NKD1: variants seen among roughly 807,000 people sequenced by gnomAD.
NKD1 encodes NKD inhibitor of Wnt signaling pathway 1.
In NKD1, 21 loss-of-function variants were observed where a neutral mutation model predicts 56.0. The observed-to-expected ratio is 0.38, with a 90% CI of 0.27 to 0.54. The LOEUF is 0.54. Among genes scored for constraint, NKD1 ranks in the 20% least tolerant of loss-of-function variants. The pLI, the probability that NKD1 is intolerant of heterozygous loss-of-function variation, is 0.82. For synonymous variants in NKD1, 263 were observed against 265.7 expected, an observed-to-expected ratio of 0.99 and a Z score of 0.10; for missense variants, 578 against 642.7, an observed-to-expected ratio of 0.90 and a Z score of 1.09.
chr16:50,580,532 T>C (rs1327340669), intron 3 of NKD1, among the ~76,000 whole-genome samples: 2 of 152,200 alleles, frequency 1.3e-5, no homozygotes, highest in Admixed American at 1.3e-4. Context: ...CCAGAGAAGC[T>C]TGGGAAACGG....
Position 50,637,876 on chromosome 16 carries a change from C to T in NKD1, c.*4095C>T, listed in dbSNP as rs1378794240. 3.9e-5 allele frequency: 6 copies of T among 152,200 alleles called. No individual in the cohort carries two copies. The East Asian group carries it at 9.6e-4, about 24-fold the overall frequency. The allele number at this position is 152,200 out of a possible 1,614,324, so 9.4% of individuals were successfully genotyped here. On this transcript the variant is annotated 3_prime_UTR_variant, in exon 10 of 10. Transcript: ENST00000268459. ...ATTTCTGCTGATCTGTCACTGGGTA[C>T]CGAGGACTGGGTGTGTTTAAGGCAG...
intron 2 of NKD1, 146 bp downstream of exon 2, chr16:50,548,895 G>T (rs1960302856): frequency 8.7e-7 from 1 of 1,147,214 alleles, no homozygotes; most frequent in Non-Finnish European, 1.1e-6. Flanking sequence ...CGCTCCCTGA[G>T]CAGCCTTCGC....
chr16:50,570,900 T>C (rs1960867873), intron 3 of NKD1: 23 of 985,370 alleles, frequency 2.3e-5, no homozygotes, highest in Non-Finnish European at 2.8e-5. Context: ...ATTGGAGTGA[T>C]GTAGCCCCCA....
rs933491024 is a variant in NKD1 at position 50,633,839 on chromosome 16, G to A, written c.*58G>A. Reference sequence around the variant, plus strand: ...AAGGACCCCACCCCCGACACCACAAGGCATTATTATTCTATTAATTATTGT... The same window carrying A: ...AAGGACCCCACCCCCGACACCACAAAGCATTATTATTCTATTAATTATTGT... On this transcript the variant is annotated 3_prime_UTR_variant, in exon 10 of 10. Coordinates refer to ENST00000268459, the MANE Select transcript of NKD1 (RefSeq NM_033119.5). The surrounding 1 kb of genome is among the most constrained non-coding windows in gnomAD (Gnocchi z 4.9). The A allele has an allele frequency of 1.3e-6, 1 of 758,288 alleles. No individual in the cohort carries two copies. The allele number at this position is 758,288 out of a possible 1,614,324, so 47.0% of individuals were successfully genotyped here.
At chr16:50,603,502 C>G (rs1961643367) in intron 3 of NKD1, among the ~76,000 whole-genome samples, 1 of 152,224 alleles carries the variant, frequency 6.6e-6, no homozygotes, top group Non-Finnish European at 1.5e-5. Context: ...CCCGGCACAT[C>G]CCAACCCTGT....
rs564340441 is a variant in NKD1, at chr16:50,647,471, G to C, written c.*13690G>C. On this transcript the variant is annotated 3_prime_UTR_variant, in exon 10 of 10. Coordinates refer to ENST00000268459, the MANE Select transcript of NKD1 (RefSeq NM_033119.5). ...TTGGTTTTTCTCAGGAGGAGATCCTGAGATGAAGACTCAGGAGCAGGTTGT... is the reference window on the plus strand; with the variant it reads ...TTGGTTTTTCTCAGGAGGAGATCCTCAGATGAAGACTCAGGAGCAGGTTGT... The C allele has an allele frequency of 3.3e-5, 5 of 152,312 alleles. No individual in the cohort carries two copies. The East Asian group carries it at 7.7e-4, about 24-fold the overall frequency. 9.4% of individuals were successfully genotyped at this position (152,312 alleles called of 1,614,324 possible). A position where few individuals can be genotyped will look rare whatever the true frequency, so the allele number is the denominator to read the frequency against.
intron 3 of NKD1, 82 bp downstream of exon 3, chr16:50,549,637 T>C: frequency 7.5e-7 from 1 of 1,340,024 alleles, no homozygotes; most frequent in East Asian, 2.7e-5. Context: ...ACCCCAACTT[T>C]GAGCACTTTC....
chr16:50,591,177 G>A (rs1961358045), intron 3 of NKD1, among the ~76,000 whole-genome samples: 1 of 152,162 alleles, frequency 6.6e-6, no homozygotes, highest in African/African-American at 2.4e-5. Flanking sequence ...GGTACTGACT[G>A]TTAGGCTGAG....
chr16:50,592,447 C>T (rs921372296), intron 3 of NKD1, among the ~76,000 whole-genome samples: 16 of 152,260 alleles, frequency 1.1e-4, no homozygotes, highest in African/African-American at 3.4e-4. Flanking sequence ...AATACAGAGC[C>T]TGCAGAGAGG....
chr16:50,583,431 G>A (rs1399461545), intron 3 of NKD1, among the ~76,000 whole-genome samples: 1 of 152,106 alleles, frequency 6.6e-6, no homozygotes, highest in Non-Finnish European at 1.5e-5. Context: ...CCCCTACCAA[G>A]GCGTCAGACA....
At chr16:50,550,354 A>AT (rs34062153) in intron 3 of NKD1, among the ~76,000 whole-genome samples, 11,167 of 143,540 alleles carry the variant, frequency 0.078, 685 homozygotes, top group East Asian at 0.34. Flanking sequence ...GTGACATTTA[A>AT]TTTTTTTTTT....
chr16:50,598,262 T>TGC lies in NKD1; in HGVS notation c.193-10027_193-10026dup, dbSNP rs1555489626. The stretch of plus-strand genomic sequence containing the variant: ...GTGTGTGTGTGTGTGTGTGTGTGTG[T>TGC]GCGCGCACACCTGTGCTCATGGACA... On this transcript the variant is annotated intron_variant, in intron 3 of 9. Coordinates refer to ENST00000268459, the MANE Select transcript of NKD1 (RefSeq NM_033119.5). The surrounding 1 kb of genome is among the most constrained non-coding windows in gnomAD (Gnocchi z 4.2). Among the ~76,000 whole-genome samples, 783 of 148,654 alleles carry TGC rather than the reference T, an allele frequency of 5.3e-3. 4 individuals carry two copies. The highest frequency in any genetic ancestry group is 0.018 in the East Asian group (89 of 5,080).
rs1962632638 is a variant in NKD1 at position 50,644,113 on chromosome 16, C to T, written c.*10332C>T. The T allele has an allele frequency of 6.6e-6, 1 of 152,268 alleles. No individual in the cohort carries two copies. Among genetic ancestry groups the T allele is most frequent in the African/African-American group, 2.4e-5 (1 of 41,476 alleles). The allele number at this position is 152,268 out of a possible 1,614,324, so 9.4% of individuals were successfully genotyped here. A position where few individuals can be genotyped will look rare whatever the true frequency, so the allele number is the denominator to read the frequency against. On this transcript the variant is annotated 3_prime_UTR_variant, in exon 10 of 10. Coordinates refer to ENST00000268459, the MANE Select transcript of NKD1 (RefSeq NM_033119.5). ...CGGGCCACTCAGACTTTTCACTGCTCTGCGCATATCACGAATGAAGTGAAT... is the reference window on the plus strand; with the variant it reads ...CGGGCCACTCAGACTTTTCACTGCTTTGCGCATATCACGAATGAAGTGAAT...
intron 8 of NKD1, among the ~76,000 whole-genome samples, chr16:50,631,217 C>G (rs1217240501): frequency 6.6e-6 from 1 of 152,108 alleles, no homozygotes; most frequent in Non-Finnish European, 1.5e-5. Context: ...ACTGAATATT[C>G]ACACTAAGTG....
At chr16:50,563,924 G>A (rs1960700475) in intron 3 of NKD1, among the ~76,000 whole-genome samples, 1 of 149,730 alleles carries the variant, frequency 6.7e-6, no homozygotes, top group South Asian at 2.2e-4. Context: ...AGAAGACCCT[G>A]TGTGTCAGGC....
intron 6 of NKD1, among the ~76,000 whole-genome samples, chr16:50,628,381 C>T (rs556527955): frequency 4.6e-5 from 7 of 152,330 alleles, no homozygotes; most frequent in East Asian, 3.9e-4. Flanking sequence ...GCTGGGGCTG[C>T]GCTGGGGTTG....
At chr16:50,595,005 G>A (rs1157305595) in intron 3 of NKD1, among the ~76,000 whole-genome samples, 2 of 152,214 alleles carry the variant, frequency 1.3e-5, no homozygotes, top group East Asian at 1.9e-4. Flanking sequence ...GACCCACTAC[G>A]TTTTCCTTTG....
chr16:50,589,682 GCTTT>G (rs1340795195), intron 3 of NKD1, among the ~76,000 whole-genome samples: 2 of 150,870 alleles, frequency 1.3e-5, no homozygotes, highest in African/African-American at 4.9e-5. Context: ...TTTGCTGAAT[GCTTT>G]CTTTTCTTTT....
rs547234761 is a variant in NKD1 at position 50,595,559 on chromosome 16, C to G, written c.193-12735C>G. Among the ~76,000 whole-genome samples the G allele has an allele frequency of 1.6e-4, 25 of 152,252 alleles. No homozygotes were observed. The South Asian group carries it at 5.2e-3, about 32-fold the overall frequency. On this transcript the variant is annotated intron_variant, in intron 3 of 9. Transcript: ENST00000268459. ...GTCCTGAGAGCCCTGGCCTTCCTCT[C>G]GGGAGTGCTCCGTTTCTCCCAGCCT... is the stretch of plus-strand genomic sequence containing the variant.
Sources: gnomAD v4.1 joint callset for allele counts (sites outside exome capture counted in the v4.1 genomes callset) on GRCh38, gnomAD v4.1.1 for gene constraint, Gnocchi (gnomAD v3.1) non-coding constraint, MANE v1.5 for transcripts, NCBI Gene and HGNC (gene_info 2026-07-23, HGNC 2026-07-21) for gene names.